The following NALF1 variants were observed in gnomAD, a reference collection of about 807,000 sequenced individuals.
NALF1 encodes the protein family with sequence similarity 155 member A.
A neutral mutation model predicts 48.4 loss-of-function variants in NALF1; 3 were observed. The ratio of observed to expected loss-of-function variants is 0.06; its 90% confidence interval spans 0.03 to 0.16. The LOEUF (loss-of-function observed/expected upper bound fraction) is 0.16, where lower values mean the gene tolerates loss of function less well. NALF1 is among the 10% of genes least tolerant of loss of function. NALF1 has a pLI of 1.00. For synonymous variants in NALF1, 262 were observed against 245.7 expected, an observed-to-expected ratio of 1.07 and a Z score of -0.62; for missense variants, 526 against 571.5, an observed-to-expected ratio of 0.92 and a Z score of 0.81.
At chr13:107,454,140 C>T (rs1884787172) in intron 1 of NALF1, among the ~76,000 whole-genome samples, 2 of 152,150 alleles carry the variant, frequency 1.3e-5, no homozygotes, top group African/African-American at 4.8e-5. Flanking sequence ...TTCTTCTGAG[C>T]TTTCCAACTA....
chr13:107,301,930 G>A (rs562322664), intron 1 of NALF1, among the ~76,000 whole-genome samples: 3 of 152,240 alleles, frequency 2.0e-5, no homozygotes, highest in Non-Finnish European at 2.9e-5. Context: ...ATTAGAGGGC[G>A]CTCTAGTTTG....
intron 1 of NALF1, among the ~76,000 whole-genome samples, chr13:107,749,511 A>G (rs1462066185): frequency 6.6e-6 from 1 of 152,034 alleles, no homozygotes; most frequent in Non-Finnish European, 1.5e-5. Context: ...ATTTAAACCA[A>G]CCTATCCAAA....
intron 1 of NALF1, among the ~76,000 whole-genome samples, chr13:107,502,089 C>T (rs377321985): frequency 2.0e-5 from 3 of 152,218 alleles, no homozygotes; most frequent in African/African-American, 7.2e-5. Context: ...GTCAAGAATA[C>T]AAAGAATGCA....
intron 1 of NALF1, among the ~76,000 whole-genome samples, chr13:107,607,756 T>A (rs933412444): frequency 2.6e-5 from 4 of 152,152 alleles, no homozygotes; most frequent in African/African-American, 9.7e-5. Context: ...TTTACTTAAC[T>A]ACCCTTGCCT....
intron 1 of NALF1, among the ~76,000 whole-genome samples, chr13:107,725,556 C>CA (rs1243211121): frequency 2.0e-5 from 3 of 152,034 alleles, no homozygotes; most frequent in Non-Finnish European, 4.4e-5. Context: ...CTAAAAAATA[C>CA]AAAAATTACC....
chr13:107,579,559 C>G (rs868651413), intron 1 of NALF1, among the ~76,000 whole-genome samples: 4 of 147,118 alleles, frequency 2.7e-5, no homozygotes, highest in African/African-American at 1.0e-4. Context: ...CTCTTTCCTG[C>G]CTTCCTTTCA....
chr13:107,329,727 T>C (rs546629674), intron 1 of NALF1, among the ~76,000 whole-genome samples: 1 of 147,498 alleles, frequency 6.8e-6, no homozygotes, highest in African/African-American at 2.5e-5. Context: ...CACTGTTCAA[T>C]TCCCACCTAT....
chr13:107,433,770 C>A (rs1468964240), intron 1 of NALF1, among the ~76,000 whole-genome samples: 9 of 152,052 alleles, frequency 5.9e-5, no homozygotes, highest in African/African-American at 1.9e-4. Flanking sequence ...ATAGATTTCC[C>A]TAGAGATCAT....
intron 1 of NALF1, among the ~76,000 whole-genome samples, chr13:107,423,064 C>T (rs1416880758): frequency 6.6e-6 from 1 of 152,136 alleles, no homozygotes; most frequent in Admixed American, 6.6e-5. Flanking sequence ...GTGTTTCTCA[C>T]CCCTACATTC....
At chr13:107,611,953 G>A (rs1281619631) in intron 1 of NALF1, among the ~76,000 whole-genome samples, 1 of 146,422 alleles carries the variant, frequency 6.8e-6, no homozygotes, top group Non-Finnish European at 1.5e-5. Context: ...AAAAAAGGAA[G>A]GAAGGCACGA....
intron 1 of NALF1, among the ~76,000 whole-genome samples, chr13:107,472,278 G>A (rs1303913388): frequency 6.6e-6 from 1 of 152,190 alleles, no homozygotes; most frequent in Non-Finnish European, 1.5e-5. Context: ...GCAGTGAGCT[G>A]AGATCGTGCC....
intron 1 of NALF1, among the ~76,000 whole-genome samples, chr13:107,291,696 T>A (rs1013939710): frequency 1.3e-5 from 2 of 152,150 alleles, no homozygotes; most frequent in African/African-American, 4.8e-5. Context: ...TTTATATTGA[T>A]AAAAGATAAG....
chr13:107,731,036 C>G (rs962326474), intron 1 of NALF1, among the ~76,000 whole-genome samples: 1 of 152,134 alleles, frequency 6.6e-6, no homozygotes, highest in Non-Finnish European at 1.5e-5. Context: ...GTTGAGTGAG[C>G]ATGAAAGCTG....
At chr13:107,737,547 T>G (rs987102636) in intron 1 of NALF1, among the ~76,000 whole-genome samples, 6 of 152,214 alleles carry the variant, frequency 3.9e-5, no homozygotes, top group African/African-American at 1.4e-4. Flanking sequence ...ATTTATATTT[T>G]TTACTTTATA....
intron 1 of NALF1, among the ~76,000 whole-genome samples, chr13:107,548,023 T>C (rs972536809): frequency 3.3e-5 from 5 of 152,060 alleles, no homozygotes; most frequent in Non-Finnish European, 5.9e-5. Flanking sequence ...GTTTGTTATA[T>C]AGGTGAACTC....
chr13:107,294,916 G>T (rs1202677127), intron 1 of NALF1, among the ~76,000 whole-genome samples: 1 of 152,158 alleles, frequency 6.6e-6, no homozygotes, highest in Non-Finnish European at 1.5e-5. Flanking sequence ...AAGAATATTG[G>T]AAATGAGACT....
chr13:107,443,284 G>A (rs918664172), intron 1 of NALF1, among the ~76,000 whole-genome samples: 2 of 151,896 alleles, frequency 1.3e-5, no homozygotes, highest in African/African-American at 4.8e-5. Context: ...AGTGCAATCT[G>A]GGCTCACTGC....
At chr13:107,567,956 G>A (rs192612015) in intron 1 of NALF1, among the ~76,000 whole-genome samples, 2 of 152,150 alleles carry the variant, frequency 1.3e-5, no homozygotes, top group East Asian at 3.9e-4. Flanking sequence ...GTATACCAAT[G>A]TTTTGTTCTC....
At chr13:107,454,941 T>A (rs1884800166) in intron 1 of NALF1, among the ~76,000 whole-genome samples, 1 of 152,210 alleles carries the variant, frequency 6.6e-6, no homozygotes. Context: ...AAAATGTTTC[T>A]GAAGAATTGA....
Sources: gnomAD v4.1 joint callset for allele counts (sites outside exome capture counted in the v4.1 genomes callset) on GRCh38, gnomAD v4.1.1 for gene constraint, MANE v1.5 for transcripts, NCBI Gene and HGNC (gene_info 2026-07-23, HGNC 2026-07-21) for gene names.